PIK3C2G: variants seen among roughly 807,000 people sequenced by gnomAD.
The protein encoded by PIK3C2G is phosphatidylinositol-4-phosphate 3-kinase catalytic subunit type 2 gamma, also known as phosphatidylinositol 3-kinase C2 domain-containing subunit gamma.
A neutral mutation model predicts 181.1 loss-of-function variants in PIK3C2G; 168 were observed. The observed-to-expected ratio is 0.93, with a 90% CI of 0.82 to 1.05. The LOEUF is 1.05. PIK3C2G is among the 50% of genes least tolerant of loss of function. The pLI, the probability that PIK3C2G is intolerant of heterozygous loss-of-function variation, is 0.00. For missense variants in PIK3C2G, 1,869 were observed against 1,732.8 expected (o/e 1.08, Z -1.40); for synonymous variants, 573 against 592.2 (o/e 0.97, Z 0.47).
the PIK3C2G span, among the ~76,000 whole-genome samples, chr12:18,687,835 G>T: frequency 6.6e-6 from 1 of 152,000 alleles, no homozygotes; most frequent in Non-Finnish European, 1.5e-5. Context: ...ACATAAAAAA[G>T]AGGTAAATTT....
chr12:18,616,108 T>C (rs1948599023), intron 31 of PIK3C2G, among the ~76,000 whole-genome samples: 1 of 152,080 alleles, frequency 6.6e-6, no homozygotes, highest in Non-Finnish European at 1.5e-5. Context: ...TCATCCTCCC[T>C]GAAGCTCCTG....
the PIK3C2G span, among the ~76,000 whole-genome samples, chr12:18,699,383 C>T: frequency 2.6e-5 from 4 of 152,186 alleles, no homozygotes; most frequent in African/African-American, 9.7e-5. Flanking sequence ...TCAGAGGTAT[C>T]GTTTAGAAAT....
chr12:18,693,084 AG>A, the PIK3C2G span: 1 of 1,507,782 alleles, frequency 6.6e-7, no homozygotes, highest in African/African-American at 1.4e-5. Context: ...GGATGATCTG[AG>A]GGGGACCCCA....
chr12:18,292,229 T>TAAA (rs1162389524), intron 4 of PIK3C2G, among the ~76,000 whole-genome samples: 8 of 68,308 alleles, frequency 1.2e-4, no homozygotes, highest in Admixed American at 5.4e-4. Flanking sequence ...AAAAAAAAAA[T>TAAA]ATATATATAT....
At position 18,530,757 on chromosome 12, in the gene PIK3C2G, G is replaced by C. The variant is rs117994827; in HGVS notation, c.3324-7399G>C. Among the ~76,000 whole-genome samples, 1,094 of 152,198 alleles carry C rather than the reference G, an allele frequency of 7.2e-3. 34 individuals carry two copies. The highest frequency in any genetic ancestry group is 0.031 in the East Asian group (162 of 5,148). ...TCATGAGAACTGGTTGTTTAAAAAT[G>C]TGTAGCACTTCCCCCTCACCTGCTC... On this transcript the variant is annotated intron_variant, in intron 24 of 32. Coordinates refer to ENST00000538779, the MANE Select transcript of PIK3C2G (RefSeq NM_001288772.2).
intron 3 of PIK3C2G, among the ~76,000 whole-genome samples, chr12:18,289,363 G>A (rs1224243082): frequency 6.6e-6 from 1 of 152,164 alleles, no homozygotes. Context: ...CAAAAGTTTA[G>A]GAGAGAATGA....
chr12:18,567,706 C>T (rs1201036380), intron 29 of PIK3C2G, among the ~76,000 whole-genome samples: 1 of 151,836 alleles, frequency 6.6e-6, no homozygotes, highest in African/African-American at 2.4e-5. Flanking sequence ...GGGGAAGTGT[C>T]TCAACAATAT....
At chr12:18,417,050 CAGGAGTTTCA>C (rs1660968005) in intron 16 of PIK3C2G, among the ~76,000 whole-genome samples, 1 of 152,024 alleles carries the variant, frequency 6.6e-6, no homozygotes, top group South Asian at 2.1e-4. Flanking sequence ...TCAACATTAA[CAGGAGTTTCA>C]AGAAGTAGAT....
At chr12:18,673,714 G>T in the PIK3C2G span, among the ~76,000 whole-genome samples, 2 of 152,126 alleles carry the variant, frequency 1.3e-5, no homozygotes, top group Non-Finnish European at 2.9e-5. Flanking sequence ...GGCTACAAAG[G>T]GTCTGCAGTC....
intron 16 of PIK3C2G, among the ~76,000 whole-genome samples, chr12:18,419,584 T>C (rs1283211171): frequency 6.6e-6 from 1 of 152,204 alleles, no homozygotes; most frequent in African/African-American, 2.4e-5. Context: ...CATGACGTTA[T>C]GCTGAGATCT....
At chr12:18,691,346 G>A in the PIK3C2G span, among the ~76,000 whole-genome samples, 8 of 152,076 alleles carry the variant, frequency 5.3e-5, no homozygotes, top group African/African-American at 1.9e-4. Context: ...GATTAAGGAG[G>A]TAAGGATGCT....
chr12:18,598,539 A>G (rs928131680), intron 30 of PIK3C2G, among the ~76,000 whole-genome samples: 1 of 151,774 alleles, frequency 6.6e-6, no homozygotes, highest in Non-Finnish European at 1.5e-5. Flanking sequence ...CTAAAACCAT[A>G]AAACCCTAGA....
the PIK3C2G span, among the ~76,000 whole-genome samples, chr12:18,682,914 T>A: frequency 6.6e-6 from 1 of 152,048 alleles, no homozygotes. Flanking sequence ...TATTTGCCAA[T>A]GTATATTTTA....
intron 15 of PIK3C2G, 79 bp from the exon 16 acceptor site, chr12:18,399,580 T>A: frequency 1.3e-6 from 1 of 791,746 alleles, no homozygotes; most frequent in Admixed American, 2.6e-5. Flanking sequence ...TACAGTAAGG[T>A]TTTCTACTGC....
At chr12:18,566,489 TTTC>T (rs896545060) in intron 28 of PIK3C2G, among the ~76,000 whole-genome samples, 8 of 152,306 alleles carry the variant, frequency 5.3e-5, no homozygotes, top group African/African-American at 1.7e-4. Flanking sequence ...GTGTTACTAT[TTTC>T]TAGAAGGCTA....
upstream of PIK3C2G, among the ~76,000 whole-genome samples, chr12:18,244,925 A>G (rs369288172): frequency 5.3e-5 from 8 of 152,206 alleles, no homozygotes; most frequent in East Asian, 1.5e-3. Context: ...GATCGAGGTT[A>G]TATTTTCAGC....
chr12:18,249,646 T>C (rs1948075758), intron 1 of PIK3C2G, among the ~76,000 whole-genome samples: 1 of 152,118 alleles, frequency 6.6e-6, no homozygotes, highest in African/African-American at 2.4e-5. Context: ...CTAAATAAAT[T>C]TGCTTCTCCA....
At chr12:18,521,573 T>C (rs1246521742) in intron 24 of PIK3C2G, among the ~76,000 whole-genome samples, 1 of 152,196 alleles carries the variant, frequency 6.6e-6, no homozygotes, top group Non-Finnish European at 1.5e-5. Flanking sequence ...GGTATACCTC[T>C]TGAGACCAAG....
chr12:18,366,957 A>T (rs1377759389), intron 12 of PIK3C2G, among the ~76,000 whole-genome samples: 1 of 152,132 alleles, frequency 6.6e-6, no homozygotes, highest in East Asian at 1.9e-4. Flanking sequence ...AAAGGAATTT[A>T]TTTTTCTTAA....
Sources: allele counts gnomAD v4.1 joint callset (sites outside exome capture counted in the v4.1 genomes callset), GRCh38; gene constraint gnomAD v4.1.1; transcripts MANE v1.5; gene names NCBI Gene and HGNC (gene_info 2026-07-23, HGNC 2026-07-21).